The following NT5DC1 variants were observed in gnomAD, a reference collection of about 807,000 sequenced individuals.
NT5DC1 encodes 5'-nucleotidase domain-containing protein 1.
NT5DC1 carries 42 observed loss-of-function variants against 59.4 expected under a neutral mutation model. That is an observed-to-expected ratio of 0.71 (90% CI 0.55 to 0.92). NT5DC1 has a LOEUF of 0.92. Among genes scored for constraint, NT5DC1 ranks in the 40% least tolerant of loss-of-function variants. The pLI is 0.00. For synonymous variants in NT5DC1, 172 were observed against 188.1 expected, an observed-to-expected ratio of 0.91 and a Z score of 0.70; for missense variants, 501 against 537.1, an observed-to-expected ratio of 0.93 and a Z score of 0.66.
At chr6:116,197,043 G>C (rs144857065) in intron 6 of NT5DC1, among the ~76,000 whole-genome samples, 66 of 151,692 alleles carry the variant, frequency 4.4e-4, no homozygotes, top group African/African-American at 1.6e-3. Context: ...AGCTGTGTGT[G>C]TCCATCAGAG....
chr6:116,121,272 CT>C, intron 6 of NT5DC1: 1 of 1,613,982 alleles, frequency 6.2e-7, no homozygotes, highest in Non-Finnish European at 8.5e-7. Context: ...CCAGGGAGAC[CT>C]TTTGTTCCTG....
intron 6 of NT5DC1, among the ~76,000 whole-genome samples, chr6:116,191,646 C>T (rs987341069): frequency 1.6e-4 from 24 of 151,990 alleles, no homozygotes; most frequent in Non-Finnish European, 2.9e-4. Context: ...TACAGTCTGT[C>T]TAAACTAACT....
At chr6:116,241,945 A>AAAAAAAAAAAAAC (rs1771738285) in intron 11 of NT5DC1, among the ~76,000 whole-genome samples, 1 of 15,354 alleles carries the variant, frequency 6.5e-5, no homozygotes. Flanking sequence ...AAAACAAAAC[A>AAAAAAAAAAAAAC]AAAAAAAAAA....
At chr6:116,130,143 A>T (rs1253982964) in intron 6 of NT5DC1, among the ~76,000 whole-genome samples, 1 of 152,128 alleles carries the variant, frequency 6.6e-6, no homozygotes, top group African/African-American at 2.4e-5. Flanking sequence ...GATATTCTCT[A>T]TAAAGAAAAA....
Position 116,227,217 on chromosome 6 carries a change from A to G in NT5DC1, c.802+4086A>G, listed in dbSNP as rs140318362. On this transcript the variant is annotated intron_variant, in intron 8 of 11. Transcript: ENST00000319550. ...TTACATTCCAAATGTAAGTGAGATC[A>G]TATGGTATTTGTCTTTCTGTGCCTG... Among the ~76,000 whole-genome samples, 174 of 152,268 alleles carry G rather than the reference A, an allele frequency of 1.1e-3. 1 individual carries two copies. The highest frequency in any genetic ancestry group is 4.0e-3 in the African/African-American group (166 of 41,560).
intron 6 of NT5DC1, among the ~76,000 whole-genome samples, chr6:116,183,669 A>G (rs1780933532): frequency 6.6e-6 from 1 of 151,620 alleles, no homozygotes; most frequent in Admixed American, 6.6e-5. Flanking sequence ...AGCTTTTATA[A>G]AAGGGGTTGA....
At chr6:116,190,800 A>C (rs1781100117) in intron 6 of NT5DC1, among the ~76,000 whole-genome samples, 1 of 152,028 alleles carries the variant, frequency 6.6e-6, no homozygotes, top group African/African-American at 2.4e-5. Context: ...GGCAAGTGAC[A>C]GGTCTGCTGG....
chr6:116,136,660 T>A (rs1779612435), intron 6 of NT5DC1, among the ~76,000 whole-genome samples: 2 of 152,214 alleles, frequency 1.3e-5, no homozygotes, highest in South Asian at 4.1e-4. Context: ...ACTGTTCTGA[T>A]ATGGCAGTAT....
chr6:116,202,131 A>AATTTATGG, intron 6 of NT5DC1, among the ~76,000 whole-genome samples: 1 of 152,012 alleles, frequency 6.6e-6, no homozygotes, highest in Admixed American at 6.6e-5. Flanking sequence ...AACTTGAAGT[A>AATTTATGG]GCCACGTGTG....
chr6:116,111,550 TA>T (rs1356084400), intron 4 of NT5DC1, among the ~76,000 whole-genome samples: 1 of 152,254 alleles, frequency 6.6e-6, no homozygotes, highest in African/African-American at 2.4e-5. Flanking sequence ...TAGACCTTAT[TA>T]AAAATCCTAA....
At chr6:116,142,539 T>G (rs953052397) in intron 6 of NT5DC1, among the ~76,000 whole-genome samples, 13 of 152,128 alleles carry the variant, frequency 8.5e-5, no homozygotes, top group African/African-American at 3.1e-4. Context: ...CATCTGAAAA[T>G]AAACATATAC....
At chr6:116,137,245 A>AT in intron 6 of NT5DC1, 1 of 156,868 alleles carries the variant, frequency 6.4e-6, no homozygotes, top group African/African-American at 2.4e-5. Context: ...CTCAGACCAG[A>AT]TTTCAACATA....
intron 6 of NT5DC1, chr6:116,125,546 A>G: frequency 6.3e-7 from 1 of 1,582,266 alleles, no homozygotes; most frequent in Non-Finnish European, 8.7e-7. Flanking sequence ...CAGCATTGTT[A>G]TTAACCTATT....
At chr6:116,120,048 A>C in intron 6 of NT5DC1, 1 of 1,519,160 alleles carries the variant, frequency 6.6e-7, no homozygotes, top group South Asian at 1.1e-5. Context: ...TTCTAGCACA[A>C]GATTTAGATT....
In NT5DC1 at chr6:116,235,602, C is replaced by T. The variant is rs577451642; in HGVS notation, c.803-1364C>T. The stretch of plus-strand genomic sequence containing the variant: ...TTTATTATTGTGACATTATTTGACT[C>T]ATTTTTGTAGTAGAATGAATAAATT... On this transcript the variant is annotated intron_variant, in intron 8 of 11. Transcript: ENST00000319550. Among the ~76,000 whole-genome samples the T allele has an allele frequency of 2.6e-4, 40 of 152,280 alleles. 1 individual carries two copies. In the South Asian group the frequency reaches 7.9e-3, roughly 30 times the overall value.
intron 6 of NT5DC1, among the ~76,000 whole-genome samples, chr6:116,153,448 A>G (rs541939722): frequency 2.6e-5 from 4 of 152,224 alleles, no homozygotes; most frequent in African/African-American, 9.6e-5. Flanking sequence ...TAGAGTCTCT[A>G]TTCCACTGGA....
At chr6:116,218,978 A>T (rs1316925883) in intron 6 of NT5DC1, among the ~76,000 whole-genome samples, 3 of 152,274 alleles carry the variant, frequency 2.0e-5, no homozygotes, top group Middle Eastern at 3.4e-3. Context: ...GGTTAGAGTT[A>T]GTCAGTGACT....
intron 6 of NT5DC1, among the ~76,000 whole-genome samples, chr6:116,138,789 C>G (rs2114357085): frequency 6.6e-6 from 1 of 152,156 alleles, no homozygotes; most frequent in East Asian, 1.9e-4. Context: ...GTATATTTAG[C>G]ATGAGTTAAA....
intron 6 of NT5DC1, among the ~76,000 whole-genome samples, chr6:116,144,207 T>G (rs1779836296): frequency 6.6e-6 from 1 of 152,136 alleles, no homozygotes; most frequent in African/African-American, 2.4e-5. Context: ...CTTACAACAT[T>G]AAAGTGTAAA....
Sources: gnomAD v4.1 joint callset for allele counts (sites outside exome capture counted in the v4.1 genomes callset) on GRCh38, gnomAD v4.1.1 for gene constraint, MANE v1.5 for transcripts, NCBI Gene and HGNC (gene_info 2026-07-23, HGNC 2026-07-21) for gene names.